The following DNM3 variants were observed in gnomAD, a reference collection of about 807,000 sequenced individuals.
The protein encoded by DNM3 is dynamin 3.
In DNM3, 47 loss-of-function variants were observed where a neutral mutation model predicts 101.6. That is an observed-to-expected ratio of 0.46 (90% CI 0.37 to 0.59). The LOEUF is 0.59. Among genes scored for constraint, DNM3 ranks in the 20% least tolerant of loss-of-function variants. The pLI is 0.00. For synonymous variants in DNM3, 385 were observed against 387.9 expected (o/e 0.99, Z 0.09); for missense variants, 849 against 1,085.7 (o/e 0.78, Z 3.06).
intron 2 of DNM3, among the ~76,000 whole-genome samples, chr1:171,968,695 C>A (rs1266129902): frequency 6.6e-6 from 1 of 152,046 alleles, no homozygotes; most frequent in Non-Finnish European, 1.5e-5. Context: ...CAGTCCAAAC[C>A]GATGGCCTCC....
At chr1:172,418,270 GT>G in intron 20 of DNM3, 1 of 1,288,404 alleles carries the variant, frequency 7.8e-7, no homozygotes, top group South Asian at 1.2e-5. Flanking sequence ...GTTTTGTTTT[GT>G]TTTTACTAGG....
intron 14 of DNM3, among the ~76,000 whole-genome samples, chr1:172,212,230 T>G: frequency 6.6e-6 from 1 of 152,162 alleles, no homozygotes; most frequent in East Asian, 1.9e-4. Flanking sequence ...TTTCTAATTC[T>G]TGATTTTGTA....
intron 4 of DNM3, among the ~76,000 whole-genome samples, chr1:171,994,180 G>T (rs1322563743): frequency 6.6e-6 from 1 of 151,750 alleles, no homozygotes; most frequent in African/African-American, 2.4e-5. Context: ...AAATTTTTTT[G>T]TTGAAAATTA....
At chr1:172,161,188 A>ATT (rs1289242887) in intron 14 of DNM3, among the ~76,000 whole-genome samples, 2 of 148,772 alleles carry the variant, frequency 1.3e-5, no homozygotes, top group African/African-American at 2.5e-5. Context: ...ATATATTATT[A>ATT]TTATATATAT....
chr1:171,906,778 A>C (rs942125799), intron 1 of DNM3, among the ~76,000 whole-genome samples: 1 of 152,200 alleles, frequency 6.6e-6, no homozygotes, highest in Non-Finnish European at 1.5e-5. Flanking sequence ...AAGAGGTTAC[A>C]TTTATTGCAG....
chr1:172,292,850 A>G (rs959684168), intron 15 of DNM3, among the ~76,000 whole-genome samples: 10 of 152,208 alleles, frequency 6.6e-5, no homozygotes, highest in Non-Finnish European at 1.3e-4. Context: ...GACCCTCCCA[A>G]AAAATGACTA....
intron 20 of DNM3, among the ~76,000 whole-genome samples, chr1:172,389,879 G>A (rs2069423928): frequency 6.6e-6 from 1 of 152,198 alleles, no homozygotes; most frequent in Non-Finnish European, 1.5e-5. Context: ...ACAGAGGGTG[G>A]TACAGCAAGA....
intron 15 of DNM3, among the ~76,000 whole-genome samples, chr1:172,301,162 A>G (rs949729505): frequency 6.6e-6 from 1 of 152,170 alleles, no homozygotes; most frequent in African/African-American, 2.4e-5. Flanking sequence ...AAATTGGACT[A>G]TCTTTTCTGG....
chr1:172,343,778 C>G (rs114028283), intron 17 of DNM3, among the ~76,000 whole-genome samples: 1 of 152,074 alleles, frequency 6.6e-6, no homozygotes, highest in South Asian at 2.1e-4. Context: ...GGGGATTTCC[C>G]GGAGAGAATA....
At chr1:171,923,446 A>G (rs1050838310) in intron 2 of DNM3, among the ~76,000 whole-genome samples, 1 of 149,486 alleles carries the variant, frequency 6.7e-6, no homozygotes, top group Non-Finnish European at 1.5e-5. Flanking sequence ...TTTTTTTTCT[A>G]TTTTATAGGC....
intron 14 of DNM3, among the ~76,000 whole-genome samples, chr1:172,200,844 A>G (rs531810464): frequency 3.3e-5 from 5 of 152,148 alleles, no homozygotes; most frequent in Non-Finnish European, 7.4e-5. Context: ...GTCATTCTCC[A>G]GAATCTTGAT....
intron 15 of DNM3, among the ~76,000 whole-genome samples, chr1:172,299,194 G>C (rs1365944441): frequency 6.6e-6 from 1 of 152,174 alleles, no homozygotes; most frequent in East Asian, 1.9e-4. Flanking sequence ...AGGAACTAAA[G>C]AAGTCCAAGG....
At position 172,409,600 on chromosome 1, in the gene DNM3, A is replaced by G; in HGVS notation, c.*1759A>G. 2 of 985,596 alleles carry G rather than the reference A, an allele frequency of 2.0e-6. No individual in the cohort carries two copies. Among genetic ancestry groups the G allele is most frequent in the Non-Finnish European group, 2.4e-6 (2 of 829,896 alleles). 61.1% of individuals were successfully genotyped at this position (985,596 alleles called of 1,614,324 possible). A position where few individuals can be genotyped will look rare whatever the true frequency, so the allele number is the denominator to read the frequency against. ...CCCCAAACCCCAAACTGGGGGAAAA[A>G]AAGTTAACTCTTTGTGAATGGAACC... is the stretch of plus-strand genomic sequence containing the variant. On this transcript the variant is annotated 3_prime_UTR_variant, in exon 21 of 21. Coordinates refer to ENST00000627582, the MANE Select transcript of DNM3 (RefSeq NM_015569.5).
chr1:172,195,526 T>A (rs1365080894), intron 14 of DNM3, among the ~76,000 whole-genome samples: 1 of 151,918 alleles, frequency 6.6e-6, no homozygotes, highest in Non-Finnish European at 1.5e-5. Flanking sequence ...GCATCTAGTG[T>A]CTCACCATTA....
chr1:172,288,227 C>T (rs2063774745), intron 15 of DNM3, among the ~76,000 whole-genome samples: 1 of 152,128 alleles, frequency 6.6e-6, no homozygotes, highest in Non-Finnish European at 1.5e-5. Flanking sequence ...AATACAGTGA[C>T]CTGTCCATTT....
At position 172,411,815 on chromosome 1, in the gene DNM3, A is replaced by C. The variant is rs1442994776; in HGVS notation, c.*3974A>C. 1 of 985,624 alleles carries C rather than the reference A, an allele frequency of 1.0e-6. No homozygotes were observed. The allele number at this position is 985,624 out of a possible 1,614,324, so 61.1% of individuals were successfully genotyped here. Reference sequence around the variant, plus strand: ...TGAGTTTTGTATCATTTCAATTAGAAGACTACTAGCTGTGAGCTCAGAGTT... The same window carrying C: ...TGAGTTTTGTATCATTTCAATTAGACGACTACTAGCTGTGAGCTCAGAGTT... On this transcript the variant is annotated 3_prime_UTR_variant, in exon 21 of 21. Transcript: ENST00000627582.
chr1:171,878,553 T>A (rs2035979482), intron 1 of DNM3, among the ~76,000 whole-genome samples: 1 of 152,154 alleles, frequency 6.6e-6, no homozygotes, highest in Non-Finnish European at 1.5e-5. Context: ...TGGAGAGATT[T>A]GTGTTAAGTG....
intron 14 of DNM3, among the ~76,000 whole-genome samples, chr1:172,156,744 T>A (rs1348245653): frequency 6.6e-6 from 1 of 152,128 alleles, no homozygotes; most frequent in African/African-American, 2.4e-5. Flanking sequence ...CTCATTTTTT[T>A]ATTTTTGCAG....
At chr1:172,237,310 C>T (rs1418288515) in intron 14 of DNM3, among the ~76,000 whole-genome samples, 2 of 151,854 alleles carry the variant, frequency 1.3e-5, no homozygotes, top group African/African-American at 2.4e-5. Flanking sequence ...CCCTGCTTTA[C>T]ATATGGTGAA....
Sources: allele counts gnomAD v4.1 joint callset (sites outside exome capture counted in the v4.1 genomes callset), GRCh38; gene constraint gnomAD v4.1.1; transcripts MANE v1.5; gene names NCBI Gene and HGNC (gene_info 2026-07-23, HGNC 2026-07-21).